Variants in ZBTB20 observed in about 807,000 individuals in gnomAD.
The protein encoded by ZBTB20 is zinc finger and BTB domain-containing protein 20.
A neutral mutation model predicts 56.9 loss-of-function variants in ZBTB20; 9 were observed. That is an observed-to-expected ratio of 0.16 (90% CI 0.10 to 0.28). The LOEUF (loss-of-function observed/expected upper bound fraction) is 0.28, where lower values mean the gene tolerates loss of function less well. Among genes scored for constraint, ZBTB20 ranks in the 10% least tolerant of loss-of-function variants. The pLI is 1.00. For synonymous variants in ZBTB20, 417 were observed against 420.7 expected (o/e 0.99, Z 0.11); for missense variants, 655 against 1,003.0 (o/e 0.65, Z 4.69).
intron 1 of ZBTB20, among the ~76,000 whole-genome samples, chr3:115,111,162 A>G (rs1298884898): frequency 2.0e-5 from 3 of 152,106 alleles, no homozygotes; most frequent in African/African-American, 7.2e-5. Context: ...TTTACCACTG[A>G]AAATGTAATA....
chr3:114,487,051 A>G (rs1320289915), intron 7 of ZBTB20, among the ~76,000 whole-genome samples: 1 of 152,216 alleles, frequency 6.6e-6, no homozygotes, highest in African/African-American at 2.4e-5. Flanking sequence ...TCCTAGTAGC[A>G]TGACTCCTTA....
chr3:114,836,524 A>G (rs2074127099), intron 4 of ZBTB20, among the ~76,000 whole-genome samples: 1 of 152,154 alleles, frequency 6.6e-6, no homozygotes, highest in South Asian at 2.1e-4. Context: ...TTTCCCTATT[A>G]TCCATGTTGC....
intron 6 of ZBTB20, among the ~76,000 whole-genome samples, chr3:114,668,968 AAAACAAAAGC>A (rs1316887913): frequency 1.3e-5 from 2 of 152,052 alleles, no homozygotes; most frequent in African/African-American, 4.8e-5. Context: ...ATAAACAACA[AAAACAAAAGC>A]AAACAAGTGA....
At chr3:114,658,666 A>G (rs1578197348) in intron 6 of ZBTB20, 1 of 152,232 alleles carries the variant, frequency 6.6e-6, no homozygotes, top group Non-Finnish European at 1.5e-5. Context: ...TGGAGCAGCC[A>G]TAAAATGGAG....
intron 3 of ZBTB20, among the ~76,000 whole-genome samples, chr3:114,970,010 G>C (rs2077807900): frequency 6.6e-6 from 1 of 152,180 alleles, no homozygotes; most frequent in Non-Finnish European, 1.5e-5. Flanking sequence ...GTAAGTGAAA[G>C]CTTAAATCTG....
At chr3:114,825,042 TA>T (rs1387027952) in intron 4 of ZBTB20, among the ~76,000 whole-genome samples, 1 of 151,880 alleles carries the variant, frequency 6.6e-6, no homozygotes, top group Non-Finnish European at 1.5e-5. Flanking sequence ...ATTTAAGTCC[TA>T]AAAGGCCAGG....
At chr3:114,427,787 C>G (rs554198480) in intron 7 of ZBTB20, among the ~76,000 whole-genome samples, 4 of 152,188 alleles carry the variant, frequency 2.6e-5, no homozygotes, top group African/African-American at 9.6e-5. Flanking sequence ...TTAAGACTTT[C>G]TTTTTCTTCA....
intron 6 of ZBTB20, among the ~76,000 whole-genome samples, chr3:114,567,213 T>C (rs2052878349): frequency 6.6e-6 from 1 of 152,156 alleles, no homozygotes; most frequent in East Asian, 1.9e-4. Context: ...TATGTGTATC[T>C]TTTTCTTAGT....
At chr3:114,510,414 C>G (rs2109796207) in intron 6 of ZBTB20, among the ~76,000 whole-genome samples, 1 of 152,156 alleles carries the variant, frequency 6.6e-6, no homozygotes, top group South Asian at 2.1e-4. Context: ...TCAGTCTGCA[C>G]ATGCATGGTT....
At chr3:114,547,221 T>C (rs925239384) in intron 6 of ZBTB20, among the ~76,000 whole-genome samples, 10 of 152,094 alleles carry the variant, frequency 6.6e-5, no homozygotes, top group Non-Finnish European at 1.3e-4. Context: ...AAAGCAGCAG[T>C]ATAAAATCCA....
intron 2 of ZBTB20, among the ~76,000 whole-genome samples, chr3:115,049,078 C>A (rs1016182356): frequency 6.6e-6 from 1 of 152,020 alleles, no homozygotes; most frequent in Non-Finnish European, 1.5e-5. Flanking sequence ...ACCCTTAATA[C>A]TTGTAACTGG....
chr3:114,639,582 A>C (rs2059446971), intron 6 of ZBTB20, among the ~76,000 whole-genome samples: 1 of 152,038 alleles, frequency 6.6e-6, no homozygotes, highest in African/African-American at 2.4e-5. Context: ...AAGCAAACTG[A>C]CATTTTTTTA....
chr3:114,688,040 G>A (rs1388073198), intron 6 of ZBTB20: 1 of 152,176 alleles, frequency 6.6e-6, no homozygotes, highest in Non-Finnish European at 1.5e-5. Flanking sequence ...GACAAGCCTG[G>A]ACAACATGGT....
At chr3:114,395,527 A>T (rs2086259563) in intron 7 of ZBTB20, among the ~76,000 whole-genome samples, 1 of 152,146 alleles carries the variant, frequency 6.6e-6, no homozygotes, top group East Asian at 1.9e-4. Flanking sequence ...AGTCTATTTG[A>T]CTTTTAACTT....
intron 1 of ZBTB20, among the ~76,000 whole-genome samples, chr3:115,084,387 T>TA (rs748202459): frequency 2.6e-5 from 4 of 151,262 alleles, no homozygotes; most frequent in South Asian, 2.1e-4. Flanking sequence ...ACTCTATGCT[T>TA]AAAAAAAATA....
intron 4 of ZBTB20, among the ~76,000 whole-genome samples, chr3:114,854,097 T>C (rs1476869396): frequency 6.6e-6 from 1 of 152,168 alleles, no homozygotes; most frequent in East Asian, 1.9e-4. Context: ...CTGTTACTTA[T>C]TATTAATAAA....
chr3:114,619,948 G>A (rs958117506), intron 6 of ZBTB20, among the ~76,000 whole-genome samples: 1 of 152,160 alleles, frequency 6.6e-6, no homozygotes, highest in East Asian at 1.9e-4. Context: ...TGACCTCCAC[G>A]GATGTGGAAG....
At chr3:114,433,129 G>A (rs2090241864) in intron 7 of ZBTB20, among the ~76,000 whole-genome samples, 1 of 152,118 alleles carries the variant, frequency 6.6e-6, no homozygotes, top group Non-Finnish European at 1.5e-5. Flanking sequence ...GTCCTATGAG[G>A]GAGACGAGGA....
intron 6 of ZBTB20, among the ~76,000 whole-genome samples, chr3:114,567,398 C>T (rs1027520231): frequency 3.0e-4 from 45 of 152,048 alleles, no homozygotes. Flanking sequence ...TGTTAAAATC[C>T]AAATTCTGTT....
Sources: gnomAD v4.1 joint callset for allele counts (sites outside exome capture counted in the v4.1 genomes callset) on GRCh38, gnomAD v4.1.1 for gene constraint, MANE v1.5 for transcripts, NCBI Gene and HGNC (gene_info 2026-07-23, HGNC 2026-07-21) for gene names.